ADGRL2: variants seen among roughly 807,000 people sequenced by gnomAD.
ADGRL2 encodes adhesion G protein-coupled receptor L2.
In ADGRL2, 44 loss-of-function variants were observed where a neutral mutation model predicts 157.4. The ratio of observed to expected loss-of-function variants is 0.28; its 90% CI spans 0.22 to 0.36. ADGRL2 has a LOEUF of 0.36. Among genes scored for constraint, ADGRL2 ranks in the 10% least tolerant of loss-of-function variants. The pLI is 1.00. For missense variants in ADGRL2, 1,510 were observed against 1,768.9 expected (o/e 0.85, Z 2.63); for synonymous variants, 585 against 624.7 (o/e 0.94, Z 0.95).
chr1:81,483,667 T>TGCTA (rs2078438865), intron 2 of ADGRL2, among the ~76,000 whole-genome samples: 1 of 152,168 alleles, frequency 6.6e-6, no homozygotes, highest in Non-Finnish European at 1.5e-5. Flanking sequence ...TACTGCTAGT[T>TGCTA]ATAGCATGAT....
chr1:81,899,459 AG>A (rs1327962517), intron 2 of ADGRL2, among the ~76,000 whole-genome samples: 17 of 152,304 alleles, frequency 1.1e-4, no homozygotes, highest in African/African-American at 4.1e-4. Flanking sequence ...AGTAGCCTAA[AG>A]CAGAGAGAGT....
At chr1:81,411,870 A>G (rs2076951317) in intron 1 of ADGRL2, among the ~76,000 whole-genome samples, 1 of 142,192 alleles carries the variant, frequency 7.0e-6, no homozygotes, top group Non-Finnish European at 1.5e-5. Context: ...ACAAAGCGAG[A>G]CTCCGTCTTA....
At chr1:81,524,846 A>G (rs995451922) in intron 2 of ADGRL2, among the ~76,000 whole-genome samples, 1 of 152,122 alleles carries the variant, frequency 6.6e-6, no homozygotes, top group Non-Finnish European at 1.5e-5. Context: ...TAGAGGCTAC[A>G]GGGAGCTATG....
chr1:81,848,948 A>G (rs1033907729), intron 2 of ADGRL2, among the ~76,000 whole-genome samples: 16 of 152,040 alleles, frequency 1.1e-4, no homozygotes, highest in Admixed American at 9.2e-4. Flanking sequence ...TCCTTCAGGT[A>G]TGTGTTTTGG....
intron 2 of ADGRL2, among the ~76,000 whole-genome samples, chr1:81,515,816 A>G (rs2079165173): frequency 6.6e-6 from 1 of 152,180 alleles, no homozygotes; most frequent in African/African-American, 2.4e-5. Context: ...ACATACTGTC[A>G]GTGGCAATAT....
intron 3 of ADGRL2, among the ~76,000 whole-genome samples, chr1:81,610,084 CT>C (rs2081509640): frequency 6.6e-6 from 1 of 152,142 alleles, no homozygotes; most frequent in African/African-American, 2.4e-5. Flanking sequence ...GAGTGAATTC[CT>C]GATTAGAATG....
At chr1:81,451,554 T>C (rs2077702877) in intron 2 of ADGRL2, among the ~76,000 whole-genome samples, 1 of 152,202 alleles carries the variant, frequency 6.6e-6, no homozygotes, top group Non-Finnish European at 1.5e-5. Context: ...CCTGCCTTAA[T>C]ACATTTTTAT....
chr1:81,832,635 C>T (rs184427751), intron 1 of ADGRL2, among the ~76,000 whole-genome samples: 242 of 152,350 alleles, frequency 1.6e-3, no homozygotes, highest in African/African-American at 5.6e-3. Context: ...GACTTGATAG[C>T]AGTGCCTGCA....
chr1:81,936,364 C>T (rs1334032163), intron 3 of ADGRL2, among the ~76,000 whole-genome samples: 3 of 151,790 alleles, frequency 2.0e-5, no homozygotes, highest in South Asian at 4.2e-4. Flanking sequence ...TTCTTAATAT[C>T]CTAGTAAGAT....
intron 2 of ADGRL2, among the ~76,000 whole-genome samples, chr1:81,559,537 A>C (rs1278670959): frequency 6.6e-6 from 1 of 152,128 alleles, no homozygotes; most frequent in Admixed American, 6.6e-5. Flanking sequence ...ATTTATAAGA[A>C]TAAAATATAA....
chr1:81,990,231 A>G, intron 23 of ADGRL2, 160 bp from the exon 24 acceptor site: 8 of 985,394 alleles, frequency 8.1e-6, no homozygotes, highest in Non-Finnish European at 9.6e-6. Flanking sequence ...GGTTGCAACT[A>G]TTTACAGTTG....
chr1:81,553,495 A>C (rs1056421536), intron 2 of ADGRL2, among the ~76,000 whole-genome samples: 1 of 152,192 alleles, frequency 6.6e-6, no homozygotes, highest in Non-Finnish European at 1.5e-5. Flanking sequence ...AAGCAAATTG[A>C]CATTTGTAGT....
rs567754499 is a variant in ADGRL2 at position 81,930,826 on chromosome 1, C to T, written c.288-5902C>T. Among the ~76,000 whole-genome samples, 364 of 152,174 alleles carry T rather than the reference C, an allele frequency of 2.4e-3. 1 individual carries two copies. The highest frequency in any genetic ancestry group is 4.3e-3 in the Non-Finnish European group (295 of 67,990). On this transcript the variant is annotated intron_variant, in intron 3 of 23. Transcript: ENST00000686636. ...AAGACTACAGGGATGAGTTTTTAAA[C>T]CATGAGTAAAATTCAGTGTTTTGGG...
rs560413916 is a variant in ADGRL2, at chr1:81,801,009, C to A, written c.-160C>A. 6.6e-6 allele frequency among the ~76,000 whole-genome samples: 1 copy of A among 150,864 alleles called. No homozygotes were observed. Among genetic ancestry groups the A allele is most frequent in the African/African-American group, 2.4e-5 (1 of 41,400 alleles). On this transcript the variant is annotated 5_prime_UTR_variant, in exon 1 of 24. Coordinates refer to ENST00000686636, the MANE Select transcript of ADGRL2 (RefSeq NM_001366006.2). The stretch of plus-strand genomic sequence containing the variant: ...GCCGCCCCGCCGGCGGAGCCGGGGC[C>A]GGCCTGGTCCTCGGGCGGCTGCTTG...
At chr1:81,826,427 C>G (rs1200229923) in intron 1 of ADGRL2, among the ~76,000 whole-genome samples, 1 of 88,386 alleles carries the variant, frequency 1.1e-5, no homozygotes. Flanking sequence ...ACTTTAATCC[C>G]CTAGAATGAC....
chr1:81,767,366 G>T (rs890028049), intron 2 of ADGRL2, among the ~76,000 whole-genome samples: 2 of 152,050 alleles, frequency 1.3e-5, no homozygotes, highest in Non-Finnish European at 2.9e-5. Flanking sequence ...ACAGGGCAGT[G>T]GTTCTTAACC....
chr1:81,331,565 T>C (rs12077776), intron 1 of ADGRL2, among the ~76,000 whole-genome samples: 4,450 of 152,252 alleles, frequency 0.029, 174 homozygotes, highest in African/African-American at 0.091. Context: ...TAATAAACTT[T>C]ACTCCCTCGC....
At chr1:81,377,846 T>C (rs2076276788) in intron 1 of ADGRL2, among the ~76,000 whole-genome samples, 1 of 152,220 alleles carries the variant, frequency 6.6e-6, no homozygotes, top group African/African-American at 2.4e-5. Flanking sequence ...TTTTGAATTT[T>C]ATGCTCTTTT....
chr1:81,390,923 A>T (rs1284163178), intron 1 of ADGRL2, among the ~76,000 whole-genome samples: 1 of 152,306 alleles, frequency 6.6e-6, no homozygotes, highest in Admixed American at 6.5e-5. Context: ...CTTTGAGTAT[A>T]TGTGGGAACT....
Sources: allele counts gnomAD v4.1 joint callset (sites outside exome capture counted in the v4.1 genomes callset), GRCh38; gene constraint gnomAD v4.1.1; transcripts MANE v1.5; gene names NCBI Gene and HGNC (gene_info 2026-07-23, HGNC 2026-07-21).